Variants in CSMD1 observed in about 807,000 individuals in gnomAD.
CSMD1 encodes CUB and Sushi multiple domains 1, also known as CUB and sushi domain-containing protein 1.
Under a neutral mutation model 417.5 loss-of-function variants are expected in CSMD1, and 213 were observed. That is an observed-to-expected ratio of 0.51 (90% CI 0.46 to 0.57). The LOEUF (loss-of-function observed/expected upper bound fraction) is 0.57, where lower values mean the gene tolerates loss of function less well. Ranked by LOEUF, CSMD1 falls within the 20% of genes least tolerant of loss-of-function variation. The probability of loss-of-function intolerance (pLI) is 0.00; values close to 1 mark genes in which losing one functional copy is unlikely to be tolerated. For synonymous variants in CSMD1, 2,862 were observed against 1,736.8 expected (o/e 1.65, Z -16.11); for missense variants, 6,923 against 4,529.7 (o/e 1.53, Z -15.17).
At chr8:4,291,836 T>A (rs1797385126) in intron 3 of CSMD1, among the ~76,000 whole-genome samples, 1 of 152,212 alleles carries the variant, frequency 6.6e-6, no homozygotes, top group Non-Finnish European at 1.5e-5. Flanking sequence ...CATATGGCCT[T>A]TGCAAAATAA....
chr8:3,591,346 T>G (rs939878328), intron 8 of CSMD1, among the ~76,000 whole-genome samples: 3 of 152,210 alleles, frequency 2.0e-5, no homozygotes, highest in Non-Finnish European at 4.4e-5. Flanking sequence ...ACCATATAAT[T>G]CACTTTACCT....
chr8:4,584,094 A>G (rs1239429198), intron 2 of CSMD1, among the ~76,000 whole-genome samples: 1 of 151,804 alleles, frequency 6.6e-6, no homozygotes, highest in African/African-American at 2.4e-5. Flanking sequence ...CCACGAACCC[A>G]CTAGAAGGAA....
intron 3 of CSMD1, among the ~76,000 whole-genome samples, chr8:4,236,876 C>A (rs190485002): frequency 6.6e-6 from 1 of 152,238 alleles, no homozygotes; most frequent in African/African-American, 2.4e-5. Context: ...AGTGACAGGC[C>A]AGGCAATGGT....
At chr8:2,952,255 G>A (rs1802687255) in intron 65 of CSMD1, among the ~76,000 whole-genome samples, 3 of 152,104 alleles carry the variant, frequency 2.0e-5, no homozygotes, top group African/African-American at 4.8e-5. Flanking sequence ...GTTGCTAGGT[G>A]GAAATGAAGA....
chr8:4,295,110 G>T, intron 3 of CSMD1, among the ~76,000 whole-genome samples: 1 of 144,304 alleles, frequency 6.9e-6, no homozygotes, highest in South Asian at 2.2e-4. Flanking sequence ...ATAATCTTAA[G>T]ATTACACACA....
chr8:4,791,015 A>C (rs1797655909), intron 1 of CSMD1, among the ~76,000 whole-genome samples: 1 of 152,202 alleles, frequency 6.6e-6, no homozygotes, highest in African/African-American at 2.4e-5. Flanking sequence ...TCTGCACTGC[A>C]AAATAAACTA....
intron 1 of CSMD1, among the ~76,000 whole-genome samples, chr8:4,895,410 G>A (rs943777339): frequency 2.0e-5 from 3 of 152,044 alleles, no homozygotes; most frequent in African/African-American, 7.3e-5. Flanking sequence ...TTTTTCCCAT[G>A]CAAAGCCTGA....
At chr8:3,847,503 T>C (rs766807234) in intron 5 of CSMD1, among the ~76,000 whole-genome samples, 6 of 152,168 alleles carry the variant, frequency 3.9e-5, no homozygotes, top group Non-Finnish European at 7.4e-5. Flanking sequence ...AACATCAATA[T>C]GAGTATGGAA....
chr8:4,224,897 G>T (rs1241428859), intron 3 of CSMD1, among the ~76,000 whole-genome samples: 2 of 36,668 alleles, frequency 5.5e-5, no homozygotes, highest in African/African-American at 1.9e-4. Context: ...ATCATTTGAG[G>T]TCAGGAGTCC....
chr8:4,559,387 A>T (rs778181576), intron 2 of CSMD1, among the ~76,000 whole-genome samples: 1 of 152,190 alleles, frequency 6.6e-6, no homozygotes, highest in Non-Finnish European at 1.5e-5. Flanking sequence ...AAATCTTCAT[A>T]TACTATTTCA....
At chr8:4,441,100 T>TTTTTTTTTTTTTTTTTG (rs1798448680) in intron 2 of CSMD1, among the ~76,000 whole-genome samples, 2 of 100,142 alleles carry the variant, frequency 2.0e-5, no homozygotes, top group East Asian at 3.2e-4. Context: ...AAAAGGTTTT[T>TTTTTTTTTTTTTTTTTG]TTTTTTTTTT....
Position 3,624,667 on chromosome 8 carries a change from A to C in CSMD1, c.1010-7870T>G, listed in dbSNP as rs1476623626. Reference sequence around the variant, plus strand: ...TGTTCTCATTGAAATTTTTAGTAGCAGTCTCCCCAGTGTATTGATGAGCTT... The same window carrying C: ...TGTTCTCATTGAAATTTTTAGTAGCCGTCTCCCCAGTGTATTGATGAGCTT... On this transcript the variant is annotated intron_variant, in intron 7 of 69. Coordinates refer to ENST00000635120, the MANE Select transcript of CSMD1 (RefSeq NM_033225.6). Among the ~76,000 whole-genome samples the C allele has an allele frequency of 4.6e-5, 7 of 152,164 alleles. 1 individual carries two copies. Among genetic ancestry groups the C allele is most frequent in the African/African-American group, 1.7e-4 (7 of 41,446 alleles).
intron 29 of CSMD1, among the ~76,000 whole-genome samples, chr8:3,216,761 T>C (rs538280837): frequency 3.3e-5 from 5 of 152,382 alleles, no homozygotes; most frequent in Non-Finnish European, 7.3e-5. Context: ...ACCTTTGAGC[T>C]TTCCTGCATC....
intron 3 of CSMD1, among the ~76,000 whole-genome samples, chr8:4,141,870 T>C (rs766656778): frequency 2.0e-5 from 3 of 150,982 alleles, no homozygotes; most frequent in Non-Finnish European, 4.4e-5. Context: ...ATATTGAGAG[T>C]ACCAATCCTA....
chr8:4,503,444 T>C (rs575663270), intron 2 of CSMD1, among the ~76,000 whole-genome samples: 28 of 152,298 alleles, frequency 1.8e-4, no homozygotes, highest in Admixed American at 6.5e-4. Context: ...TCGCAATATG[T>C]TTCCAAATAA....
chr8:3,492,772 G>T (rs996406619), intron 11 of CSMD1, among the ~76,000 whole-genome samples: 2 of 152,096 alleles, frequency 1.3e-5, no homozygotes, highest in Non-Finnish European at 2.9e-5. Flanking sequence ...GGCTGTCACC[G>T]TGTTTGCTAA....
chr8:4,023,842 C>T (rs1032851701), intron 4 of CSMD1, among the ~76,000 whole-genome samples: 2 of 137,708 alleles, frequency 1.5e-5, no homozygotes, highest in African/African-American at 2.7e-5. Flanking sequence ...TGGCCTCGAT[C>T]TCCTGACCTC....
At chr8:4,369,592 C>G (rs1472591709) in intron 3 of CSMD1, among the ~76,000 whole-genome samples, 1 of 152,172 alleles carries the variant, frequency 6.6e-6, no homozygotes, top group Non-Finnish European at 1.5e-5. Flanking sequence ...CTGTAGATCT[C>G]TATGAACTTG....
intron 23 of CSMD1, among the ~76,000 whole-genome samples, chr8:3,316,644 A>G (rs997931901): frequency 8.5e-5 from 13 of 152,130 alleles, no homozygotes; most frequent in African/African-American, 3.1e-4. Context: ...ACACCAATTT[A>G]CAGGAACATT....
Sources: allele counts gnomAD v4.1 joint callset (sites outside exome capture counted in the v4.1 genomes callset), GRCh38; gene constraint gnomAD v4.1.1; transcripts MANE v1.5; gene names NCBI Gene and HGNC (gene_info 2026-07-23, HGNC 2026-07-21).